RGS6: variants seen among roughly 807,000 people sequenced by gnomAD.
RGS6 encodes regulator of G-protein signaling 6.
A neutral mutation model predicts 78.5 loss-of-function variants in RGS6; 30 were observed. The observed-to-expected ratio is 0.38, with a 90% confidence interval of 0.29 to 0.52. The LOEUF is 0.52. Among genes scored for constraint, RGS6 ranks in the 20% least tolerant of loss-of-function variants. The probability of loss-of-function intolerance (pLI) is 0.85; values close to 1 mark genes in which losing one functional copy is unlikely to be tolerated. For synonymous variants in RGS6, 206 were observed against 206.0 expected, an observed-to-expected ratio of 1.00 and a Z score of 0.00; for missense variants, 495 against 609.7, an observed-to-expected ratio of 0.81 and a Z score of 1.98.
intron 2 of RGS6, among the ~76,000 whole-genome samples, chr14:72,139,301 A>C (rs2096499953): frequency 6.6e-6 from 1 of 152,170 alleles, no homozygotes; most frequent in South Asian, 2.1e-4. Flanking sequence ...TCAATTCTCC[A>C]TTCTTGAATA....
At chr14:72,017,917 T>C (rs1463888601) in intron 2 of RGS6, among the ~76,000 whole-genome samples, 2 of 152,198 alleles carry the variant, frequency 1.3e-5, no homozygotes, top group African/African-American at 2.4e-5. Context: ...TTAGCTATTC[T>C]TCCTGATGCT....
chr14:72,226,807 A>T (rs112914758), intron 2 of RGS6, among the ~76,000 whole-genome samples: 2 of 152,170 alleles, frequency 1.3e-5, no homozygotes, highest in Admixed American at 6.5e-5. Context: ...GGTTCAAGCG[A>T]TTCTCCTGCC....
At chr14:71,913,141 T>A in the RGS6 span, among the ~76,000 whole-genome samples, 1 of 152,188 alleles carries the variant, frequency 6.6e-6, no homozygotes, top group African/African-American at 2.4e-5. Flanking sequence ...GTTCACTTTT[T>A]TACATAAAGA....
At chr14:72,096,358 G>A (rs1273446821) in intron 2 of RGS6, among the ~76,000 whole-genome samples, 6 of 151,842 alleles carry the variant, frequency 4.0e-5, no homozygotes, top group South Asian at 4.1e-4. Flanking sequence ...CACAGAAAAC[G>A]CATACTTTTA....
the RGS6 span, among the ~76,000 whole-genome samples, chr14:71,920,229 C>T: frequency 1.3e-5 from 2 of 152,192 alleles, no homozygotes; most frequent in South Asian, 4.1e-4. Context: ...ACTGATTAAT[C>T]TGCGCTAGTG....
intron 15 of RGS6, among the ~76,000 whole-genome samples, chr14:72,522,628 T>C (rs1311086572): frequency 6.6e-6 from 1 of 152,224 alleles, no homozygotes; most frequent in Non-Finnish European, 1.5e-5. Flanking sequence ...GCTGTGTTTA[T>C]TTATGAACAG....
chr14:72,542,210 C>A (rs1297606169), intron 17 of RGS6, among the ~76,000 whole-genome samples: 1 of 152,192 alleles, frequency 6.6e-6, no homozygotes, highest in African/African-American at 2.4e-5. Context: ...GGATTGCCAT[C>A]CATCCATGCT....
chr14:72,464,262 G>A (rs917210167), intron 6 of RGS6, among the ~76,000 whole-genome samples: 1 of 152,136 alleles, frequency 6.6e-6, no homozygotes, highest in African/African-American at 2.4e-5. Context: ...CCATTCAACT[G>A]AGTTTTCATA....
chr14:72,284,574 G>A (rs1002782507), intron 2 of RGS6, among the ~76,000 whole-genome samples: 3 of 152,228 alleles, frequency 2.0e-5, no homozygotes, highest in African/African-American at 7.2e-5. Context: ...ACTCCTGGAT[G>A]TCCAGGCAGA....
intron 2 of RGS6, among the ~76,000 whole-genome samples, chr14:72,266,953 C>T (rs1299071491): frequency 6.6e-6 from 1 of 152,128 alleles, no homozygotes; most frequent in Non-Finnish European, 1.5e-5. Flanking sequence ...GCCACCACCA[C>T]CTGTGTTTAT....
At chr14:72,118,258 G>A (rs553787822) in intron 2 of RGS6, among the ~76,000 whole-genome samples, 7 of 152,108 alleles carry the variant, frequency 4.6e-5, no homozygotes, top group South Asian at 2.1e-4. Flanking sequence ...TTTTGAGTTC[G>A]GCTAAAATAC....
chr14:72,058,618 G>A (rs945912830), intron 2 of RGS6, among the ~76,000 whole-genome samples: 3 of 151,946 alleles, frequency 2.0e-5, no homozygotes, highest in Non-Finnish European at 2.9e-5. Context: ...ATAAATTGAA[G>A]TTCAGAGAGA....
the RGS6 span, among the ~76,000 whole-genome samples, chr14:71,891,684 C>T: frequency 7.1e-6 from 1 of 141,090 alleles, no homozygotes; most frequent in African/African-American, 2.9e-5. Context: ...ATTAAAACAA[C>T]AAAACCCAAA....
At chr14:72,033,199 A>G (rs1055677892) in intron 2 of RGS6, among the ~76,000 whole-genome samples, 1 of 152,184 alleles carries the variant, frequency 6.6e-6, no homozygotes, top group African/African-American at 2.4e-5. Context: ...ATACTGTACC[A>G]ATAGTAAAAA....
chr14:72,432,415 C>T (rs2094688403), intron 3 of RGS6, among the ~76,000 whole-genome samples: 1 of 152,184 alleles, frequency 6.6e-6, no homozygotes, highest in Non-Finnish European at 1.5e-5. Flanking sequence ...TCTCACCTTC[C>T]AGGAGTAAAG....
chr14:72,386,051 T>A (rs1355901421), intron 3 of RGS6, among the ~76,000 whole-genome samples: 4 of 152,126 alleles, frequency 2.6e-5, no homozygotes, highest in Non-Finnish European at 5.9e-5. Context: ...CATCACGGAC[T>A]TGTCCCTGGG....
chr14:72,072,659 C>G (rs1181798890), intron 2 of RGS6, among the ~76,000 whole-genome samples: 1 of 152,162 alleles, frequency 6.6e-6, no homozygotes, highest in African/African-American at 2.4e-5. Context: ...AGCAGAAGCT[C>G]TGGTCTGAGG....
chr14:72,395,926 C>G (rs1383564588), intron 3 of RGS6, among the ~76,000 whole-genome samples: 1 of 152,096 alleles, frequency 6.6e-6, no homozygotes, highest in Non-Finnish European at 1.5e-5. Flanking sequence ...TTAATCCAGT[C>G]TATCATTGTT....
intron 2 of RGS6, among the ~76,000 whole-genome samples, chr14:72,107,973 G>C (rs2095669114): frequency 6.6e-6 from 1 of 151,958 alleles, no homozygotes; most frequent in African/African-American, 2.4e-5. Context: ...GTTTTTATCA[G>C]GTAATAGTTA....
Sources: allele counts gnomAD v4.1 joint callset (sites outside exome capture counted in the v4.1 genomes callset), GRCh38; gene constraint gnomAD v4.1.1; transcripts MANE v1.5; gene names NCBI Gene and HGNC (gene_info 2026-07-23, HGNC 2026-07-21).